Variants in PDZRN4 observed in about 807,000 individuals in gnomAD.
The protein encoded by PDZRN4 is PDZ domain containing ring finger 4.
PDZRN4 carries 70 observed loss-of-function variants against 99.0 expected under a neutral mutation model. The observed-to-expected ratio is 0.71, with a 90% CI of 0.58 to 0.86. The LOEUF (loss-of-function observed/expected upper bound fraction) is 0.86. PDZRN4 is among the 40% of genes least tolerant of loss of function. PDZRN4 has a pLI of 0.00. For missense variants in PDZRN4, 1,474 were observed against 1,331.2 expected, an observed-to-expected ratio of 1.11 and a Z score of -1.67; for synonymous variants, 551 against 501.6, an observed-to-expected ratio of 1.10 and a Z score of -1.32.
At chr12:41,321,673 A>C (rs1951678846) in intron 3 of PDZRN4, among the ~76,000 whole-genome samples, 1 of 152,052 alleles carries the variant, frequency 6.6e-6, no homozygotes, top group Admixed American at 6.6e-5. Flanking sequence ...TTTTGGATGG[A>C]GTCTGATCAG....
Position 41,194,221 on chromosome 12 carries a change from T to C in PDZRN4, c.843+33T>C, listed in dbSNP as rs1261815066. The C allele has an allele frequency of 4.2e-6, 4 of 953,382 alleles. No individual in the cohort carries two copies. The South Asian group carries it at 5.3e-5, about 13-fold the overall frequency. 59.1% of individuals were successfully genotyped at this position (953,382 alleles called of 1,614,324 possible). On this transcript the variant is annotated intron_variant, in intron 3 of 9. Coordinates refer to ENST00000402685, the MANE Select transcript of PDZRN4 (RefSeq NM_001164595.2). The stretch of plus-strand genomic sequence containing the variant: ...AATGATAAAACATGTATATGATCCA[T>C]GCAAGAAAGATTGGGATATTTTAAG...
At chr12:41,557,845 T>C (rs1479839855) in intron 7 of PDZRN4, among the ~76,000 whole-genome samples, 1 of 152,144 alleles carries the variant, frequency 6.6e-6, no homozygotes, top group Non-Finnish European at 1.5e-5. Context: ...GTAAACAAAA[T>C]GGAACTACGT....
chr12:41,191,769 TTTATTTATTTATTTATTTTG>T (rs1566347355), intron 2 of PDZRN4, among the ~76,000 whole-genome samples: 1 of 96,024 alleles, frequency 1.0e-5, no homozygotes, highest in African/African-American at 3.9e-5. Context: ...TATTTATTTA[TTTATTTATTTATTTATTTTG>T]TTTGTTTGTT....
chr12:41,516,310 G>A (rs944560660), intron 5 of PDZRN4, among the ~76,000 whole-genome samples: 1 of 152,006 alleles, frequency 6.6e-6, no homozygotes, highest in African/African-American at 2.4e-5. Context: ...ATCACCAGGA[G>A]GGCCCAGCAC....
rs576118862 is a variant in PDZRN4, at chr12:41,533,249, A to G, written c.1204-19407A>G. On this transcript the variant is annotated intron_variant, in intron 5 of 9. Coordinates refer to ENST00000402685, the MANE Select transcript of PDZRN4 (RefSeq NM_001164595.2). ...GAGGGCAGTGGTACGATCTTGGCTC[A>G]CTGCAACCTCCCCCTCCCGGATTCA... Among the ~76,000 whole-genome samples the G allele has an allele frequency of 1.8e-4, 27 of 150,810 alleles. No individual in the cohort carries two copies. In the South Asian group the frequency reaches 5.7e-3, roughly 32 times the overall value.
chr12:41,388,523 T>C (rs968667795), intron 3 of PDZRN4, among the ~76,000 whole-genome samples: 3 of 152,228 alleles, frequency 2.0e-5, no homozygotes, highest in African/African-American at 7.2e-5. Flanking sequence ...TCTCTTGTGA[T>C]ATCTGCTTTA....
intron 5 of PDZRN4, among the ~76,000 whole-genome samples, chr12:41,533,182 T>G (rs1255270628): frequency 6.7e-6 from 1 of 149,476 alleles, no homozygotes; most frequent in African/African-American, 2.4e-5. Flanking sequence ...TTTCTTTTCT[T>G]TTTTTTTTTT....
chr12:41,224,002 G>A (rs1266687953), intron 3 of PDZRN4, among the ~76,000 whole-genome samples: 1 of 152,172 alleles, frequency 6.6e-6, no homozygotes, highest in Non-Finnish European at 1.5e-5. Context: ...GGTAGGAGGG[G>A]GACTAAGTTC....
intron 3 of PDZRN4, among the ~76,000 whole-genome samples, chr12:41,310,555 T>A (rs868484661): frequency 2.0e-5 from 3 of 152,162 alleles, no homozygotes; most frequent in Middle Eastern, 3.2e-3. Flanking sequence ...CTAAGTACAT[T>A]ATAACTACAT....
At chr12:41,429,628 G>T (rs966060469) in intron 3 of PDZRN4, among the ~76,000 whole-genome samples, 2 of 151,934 alleles carry the variant, frequency 1.3e-5, no homozygotes, top group African/African-American at 4.8e-5. Context: ...GTTTGGGTTT[G>T]AATCCTGGCT....
At chr12:41,381,598 T>A (rs1386244810) in intron 3 of PDZRN4, among the ~76,000 whole-genome samples, 1 of 152,164 alleles carries the variant, frequency 6.6e-6, no homozygotes, top group Non-Finnish European at 1.5e-5. Flanking sequence ...AAAATATTTA[T>A]CTTTCTTTGT....
chr12:41,403,016 G>C (rs1952315298), intron 3 of PDZRN4, among the ~76,000 whole-genome samples: 1 of 152,016 alleles, frequency 6.6e-6, no homozygotes. Flanking sequence ...AGCCAGATTT[G>C]TAATTGTTCC....
At chr12:41,434,323 C>G (rs1250461395) in intron 3 of PDZRN4, among the ~76,000 whole-genome samples, 2 of 151,722 alleles carry the variant, frequency 1.3e-5, no homozygotes, top group Non-Finnish European at 2.9e-5. Flanking sequence ...TTTGAAAAGG[C>G]TAATTTAAGG....
At position 41,527,360 on chromosome 12, in the gene PDZRN4, C is replaced by T. The variant is rs952696053; in HGVS notation, c.1203+17447C>T. Among the ~76,000 whole-genome samples the T allele has an allele frequency of 3.3e-5, 5 of 152,098 alleles. No individual in the cohort carries two copies. The East Asian group carries it at 5.8e-4, about 18-fold the overall frequency. On this transcript the variant is annotated intron_variant, in intron 5 of 9. Transcript: ENST00000402685. ...TTCATAATGAGAAACTTGGACTTTA[C>T]GCTACAGGTAATGGGACAGCAATTC...
At chr12:41,223,688 A>G (rs1412713603) in intron 3 of PDZRN4, among the ~76,000 whole-genome samples, 1 of 152,136 alleles carries the variant, frequency 6.6e-6, no homozygotes, top group East Asian at 1.9e-4. Flanking sequence ...GTAGTACTCA[A>G]GCCTGTATTC....
chr12:41,450,176 T>C (rs1372000783), intron 3 of PDZRN4, among the ~76,000 whole-genome samples: 1 of 152,204 alleles, frequency 6.6e-6, no homozygotes, highest in Non-Finnish European at 1.5e-5. Context: ...TAAACATATA[T>C]TGTTGAATAA....
intron 3 of PDZRN4, among the ~76,000 whole-genome samples, chr12:41,294,547 A>G (rs1951478015): frequency 6.6e-6 from 1 of 152,192 alleles, no homozygotes; most frequent in Admixed American, 6.5e-5. Context: ...AATATTTAAC[A>G]TTTAAAATTA....
chr12:41,574,001 T>C lies in PDZRN4; in HGVS notation c.*111T>C. 1 of 697,770 alleles carries C rather than the reference T, an allele frequency of 1.4e-6. No homozygotes were observed. The highest frequency in any genetic ancestry group is 2.2e-6 in the Non-Finnish European group (1 of 462,562). 43.2% of individuals were successfully genotyped at this position (697,770 alleles called of 1,614,324 possible). A position where few individuals can be genotyped will look rare whatever the true frequency, so the allele number is the denominator to read the frequency against. On this transcript the variant is annotated 3_prime_UTR_variant, in exon 10 of 10. Coordinates refer to ENST00000402685, the MANE Select transcript of PDZRN4 (RefSeq NM_001164595.2). Reference sequence around the variant, plus strand: ...TTTATATATATTTTGTGACTCTTTATAGTTTAAATTTTTTGTAAGCAAAAA... The same window carrying C: ...TTTATATATATTTTGTGACTCTTTACAGTTTAAATTTTTTGTAAGCAAAAA...
Position 41,515,202 on chromosome 12 carries a change from A to G in PDZRN4, c.1203+5289A>G, listed in dbSNP as rs542320426. ...GAAAGCCAGTGATGGAAGAAACATG[A>G]TGGGTATGAAACATAATTGATAAAG... On this transcript the variant is annotated intron_variant, in intron 5 of 9. Transcript: ENST00000402685. 1.4e-4 allele frequency among the ~76,000 whole-genome samples: 22 copies of G among 152,156 alleles called. No individual in the cohort carries two copies. In the South Asian group the frequency reaches 4.6e-3, roughly 32 times the overall value.
Sources: gnomAD v4.1 joint callset for allele counts (sites outside exome capture counted in the v4.1 genomes callset) on GRCh38, gnomAD v4.1.1 for gene constraint, MANE v1.5 for transcripts, NCBI Gene and HGNC (gene_info 2026-07-23, HGNC 2026-07-21) for gene names.